Variants in COL25A1 observed in about 807,000 individuals in gnomAD.
The protein encoded by COL25A1 is collagen alpha-1(XXV) chain.
In COL25A1, 103 loss-of-function variants were observed where a neutral mutation model predicts 128.4. The observed-to-expected ratio is 0.80, with a 90% CI of 0.68 to 0.94. The LOEUF is 0.94. Among genes scored for constraint, COL25A1 ranks in the 40% least tolerant of loss-of-function variants. The probability of loss-of-function intolerance (pLI) is 0.00; values close to 1 mark genes in which losing one functional copy is unlikely to be tolerated. For synonymous variants in COL25A1, 279 were observed against 277.2 expected (o/e 1.01, Z -0.06); for missense variants, 745 against 840.0 (o/e 0.89, Z 1.40).
chr4:108,990,851 C>T (rs1055076952), intron 6 of COL25A1, among the ~76,000 whole-genome samples: 19 of 152,148 alleles, frequency 1.2e-4, no homozygotes, highest in Non-Finnish European at 2.2e-4. Context: ...TGTCCAAAGT[C>T]ATACAGCTCA....
chr4:108,929,584 G>A (rs1746484406), intron 11 of COL25A1, among the ~76,000 whole-genome samples: 1 of 151,628 alleles, frequency 6.6e-6, no homozygotes, highest in South Asian at 2.1e-4. Context: ...GCTCACACCT[G>A]TAATCCCAGC....
intron 30 of COL25A1, among the ~76,000 whole-genome samples, chr4:108,843,267 A>G (rs897109158): frequency 2.0e-5 from 3 of 152,168 alleles, no homozygotes; most frequent in Non-Finnish European, 4.4e-5. Context: ...TATAAAATAG[A>G]AATGGAGCTA....
chr4:109,113,945 A>G lies in COL25A1; in HGVS notation c.368-63766T>C, dbSNP rs187734772. On this transcript the variant is annotated intron_variant, in intron 3 of 37. Coordinates refer to ENST00000399132, the MANE Select transcript of COL25A1 (RefSeq NM_198721.4). ...ATGAAGATGAAAAAACAAATCTTAAAGAATCACCATAAGCGCTAAATGAGA... is the reference window on the plus strand; with the variant it reads ...ATGAAGATGAAAAAACAAATCTTAAGGAATCACCATAAGCGCTAAATGAGA... Among the ~76,000 whole-genome samples, 101 of 152,278 alleles carry G rather than the reference A, an allele frequency of 6.6e-4. 1 individual carries two copies. Among genetic ancestry groups the G allele is most frequent in the African/African-American group, 2.3e-3 (96 of 41,568 alleles).
intron 36 of COL25A1, among the ~76,000 whole-genome samples, chr4:108,818,393 T>C (rs886164171): frequency 6.6e-6 from 1 of 152,112 alleles, no homozygotes; most frequent in Non-Finnish European, 1.5e-5. Flanking sequence ...CAGACCAATA[T>C]AACCATCAAC....
chr4:109,176,474 C>A (rs923855862), intron 3 of COL25A1, among the ~76,000 whole-genome samples: 1 of 151,932 alleles, frequency 6.6e-6, no homozygotes, highest in Non-Finnish European at 1.5e-5. Flanking sequence ...TGATTATTCT[C>A]CCAAAAACTA....
intron 3 of COL25A1, among the ~76,000 whole-genome samples, chr4:109,072,641 C>T (rs901869982): frequency 6.6e-6 from 1 of 152,170 alleles, no homozygotes; most frequent in Non-Finnish European, 1.5e-5. Context: ...GTAACACAGA[C>T]TCACCCACAT....
intron 5 of COL25A1, among the ~76,000 whole-genome samples, chr4:109,010,735 C>G (rs1211255284): frequency 2.6e-5 from 4 of 152,134 alleles, no homozygotes; most frequent in African/African-American, 9.7e-5. Context: ...GCTGTGAGCC[C>G]AAACTATGAG....
chr4:109,229,747 C>A lies in COL25A1; in HGVS notation c.367+70836G>T, dbSNP rs2126219049. Among the ~76,000 whole-genome samples, 2 of 152,266 alleles carry A rather than the reference C, an allele frequency of 1.3e-5. 1 individual carries two copies. Among genetic ancestry groups the A allele is most frequent in the South Asian group, 4.2e-4 (2 of 4,818 alleles). On this transcript the variant is annotated intron_variant, in intron 3 of 37. Coordinates refer to ENST00000399132, the MANE Select transcript of COL25A1 (RefSeq NM_198721.4). ...AGAGTGTTGGGCAACTCAAATTTTT[C>A]AACCCTCTGCACATGTCTGACGATG... is the stretch of plus-strand genomic sequence containing the variant.
Position 108,868,456 on chromosome 4 carries a change from G to C in COL25A1, c.1083+632C>G, listed in dbSNP as rs1738209117. ...TCAACATAGTGGACTAAAAATATAT[G>C]ACAAAGATTTCAGAAAGAAGAAATC... On this transcript the variant is annotated intron_variant, in intron 20 of 37. Coordinates refer to ENST00000399132, the MANE Select transcript of COL25A1 (RefSeq NM_198721.4). Among the ~76,000 whole-genome samples the C allele has an allele frequency of 2.0e-5, 3 of 149,366 alleles. No individual in the cohort carries two copies. In the South Asian group the frequency reaches 6.3e-4, roughly 32 times the overall value.
chr4:108,880,320 T>C (rs904173638), intron 19 of COL25A1, among the ~76,000 whole-genome samples: 2 of 152,214 alleles, frequency 1.3e-5, no homozygotes, highest in African/African-American at 2.4e-5. Flanking sequence ...GAAAAGGGTA[T>C]AGTGTGATGT....
rs1491355702 is a variant in COL25A1 at position 108,809,532 on chromosome 4, TGA to T, written c.*4393_*4394del. 1 of 112,024 alleles carries T rather than the reference TGA, an allele frequency of 8.9e-6. No individual in the cohort carries two copies. Among genetic ancestry groups the T allele is most frequent in the Non-Finnish European group, 2.2e-5 (1 of 45,846 alleles). The allele number at this position is 112,024 out of a possible 1,614,324, so 6.9% of individuals were successfully genotyped here. A position where few individuals can be genotyped will look rare whatever the true frequency, so the allele number is the denominator to read the frequency against. On this transcript the variant is annotated 3_prime_UTR_variant, in exon 38 of 38. Coordinates refer to ENST00000399132, the MANE Select transcript of COL25A1 (RefSeq NM_198721.4). ...ATAAATCACACATAACGGTTTAGGT[TGA>T]AAAAGTCTTCTTATGCCCAAAAGGA... is the stretch of plus-strand genomic sequence containing the variant.
chr4:109,276,592 A>T (rs1578616871), intron 3 of COL25A1, among the ~76,000 whole-genome samples: 1 of 152,098 alleles, frequency 6.6e-6, no homozygotes, highest in East Asian at 1.9e-4. Flanking sequence ...AGGATCTCCA[A>T]CAGGGTAGAA....
chr4:109,285,049 T>G (rs376994456), intron 3 of COL25A1, among the ~76,000 whole-genome samples: 1 of 152,238 alleles, frequency 6.6e-6, no homozygotes, highest in African/African-American at 2.4e-5. Flanking sequence ...CTCCCATTCT[T>G]GCATACACCT....
At chr4:108,886,898 T>C (rs897760589) in intron 18 of COL25A1, among the ~76,000 whole-genome samples, 1 of 152,128 alleles carries the variant, frequency 6.6e-6, no homozygotes, top group African/African-American at 2.4e-5. Context: ...GTGCCCTAAA[T>C]ATTTCTAGAG....
chr4:109,281,409 C>CAAAAAAAAAA (rs59962160), intron 3 of COL25A1, among the ~76,000 whole-genome samples: 1 of 102,256 alleles, frequency 9.8e-6, no homozygotes, highest in Non-Finnish European at 2.3e-5. Context: ...CTTAAAATGG[C>CAAAAAAAAAA]AAAAAAAAAA....
chr4:108,990,272 A>ATATATATATATATCTC (rs1237402687), intron 6 of COL25A1, among the ~76,000 whole-genome samples: 4 of 123,648 alleles, frequency 3.2e-5, no homozygotes, highest in African/African-American at 1.2e-4. Context: ...ATATATATAT[A>ATATATATATATATCTC]TCTCAAAAGA....
intron 11 of COL25A1, among the ~76,000 whole-genome samples, chr4:108,935,757 A>C (rs1416255354): frequency 6.6e-6 from 1 of 152,212 alleles, no homozygotes; most frequent in Non-Finnish European, 1.5e-5. Context: ...TCAAACTGGG[A>C]ATAGTAAGCA....
At chr4:109,255,558 C>T (rs1450458134) in intron 3 of COL25A1, among the ~76,000 whole-genome samples, 6 of 152,128 alleles carry the variant, frequency 3.9e-5, no homozygotes, top group Admixed American at 2.6e-4. Flanking sequence ...CTTCCCTCCT[C>T]GCAACTACAC....
At chr4:108,935,863 A>T (rs1293624842) in intron 11 of COL25A1, among the ~76,000 whole-genome samples, 1 of 152,178 alleles carries the variant, frequency 6.6e-6, no homozygotes, top group Non-Finnish European at 1.5e-5. Context: ...ATTTTTAAAA[A>T]ATATATCCAT....
Sources: allele counts gnomAD v4.1 joint callset (sites outside exome capture counted in the v4.1 genomes callset), GRCh38; gene constraint gnomAD v4.1.1; transcripts MANE v1.5; gene names NCBI Gene and HGNC (gene_info 2026-07-23, HGNC 2026-07-21).